The following INIP variants were observed in gnomAD, a reference collection of about 807,000 sequenced individuals.
INIP encodes INTS3 and NABP interacting protein, also known as SOSS complex subunit C.
INIP carries 9 observed loss-of-function variants against 14.0 expected under a neutral mutation model. That is an observed-to-expected ratio of 0.64 (90% confidence interval 0.39 to 1.12). INIP has a LOEUF of 1.12. Ranked by LOEUF, INIP falls within the 50% of genes most tolerant of loss-of-function variation. The probability of loss-of-function intolerance (pLI) is 0.01; values close to 1 mark genes in which losing one functional copy is unlikely to be tolerated. For missense variants in INIP, 78 were observed against 122.7 expected, an observed-to-expected ratio of 0.64 and a Z score of 1.72; for synonymous variants, 37 against 41.5, an observed-to-expected ratio of 0.89 and a Z score of 0.41.
intron 4 of INIP, among the ~76,000 whole-genome samples, 182 bp from the exon 5 acceptor site, chr9:112,687,815 G>A (rs2131276703): frequency 6.6e-6 from 1 of 152,260 alleles, no homozygotes; most frequent in East Asian, 1.9e-4. Flanking sequence ...GCTGGGCGCG[G>A]TGGCTCACAC....
intron 2 of INIP, among the ~76,000 whole-genome samples, chr9:112,709,425 G>A (rs970495285): frequency 1.4e-4 from 22 of 152,104 alleles, no homozygotes; most frequent in African/African-American, 5.3e-4. Flanking sequence ...ATCAACGTGG[G>A]TTCTCACCTC....
At position 112,718,091 on chromosome 9, in the gene INIP, C is replaced by G. The variant is rs1838892955; in HGVS notation, c.-161G>C. ...GCTCAACTCGCGGCACTACAACCTT[C>G]CCGCCCCCGCTGCGCTTCCGCCTCC... On this transcript the variant is annotated 5_prime_UTR_variant, in exon 1 of 5. Transcript: ENST00000374242. The G allele has an allele frequency of 6.5e-6, 1 of 152,722 alleles. No individual in the cohort carries two copies. The highest frequency in any genetic ancestry group is 2.4e-5 in the African/African-American group (1 of 41,464). 9.5% of individuals were successfully genotyped at this position (152,722 alleles called of 1,614,324 possible).
chr9:112,706,319 G>A (rs1838466895), intron 2 of INIP, among the ~76,000 whole-genome samples: 1 of 152,188 alleles, frequency 6.6e-6, no homozygotes, highest in African/African-American at 2.4e-5. Flanking sequence ...TAAAAATAGA[G>A]CTCACTGAAG....
chr9:112,711,210 TA>T (rs1265320947), intron 2 of INIP, among the ~76,000 whole-genome samples: 5 of 151,770 alleles, frequency 3.3e-5, no homozygotes, highest in Admixed American at 6.6e-5. Flanking sequence ...AAAAATACAA[TA>T]GATCTGAATA....
chr9:112,697,671 A>G (rs1838141534), intron 2 of INIP, among the ~76,000 whole-genome samples: 1 of 152,232 alleles, frequency 6.6e-6, no homozygotes, highest in African/African-American at 2.4e-5. Flanking sequence ...TAGGAGCTCT[A>G]TGTTAGGAAC....
intron 4 of INIP, 62 bp downstream of exon 4, chr9:112,689,465 G>T: frequency 8.0e-7 from 1 of 1,247,492 alleles, no homozygotes; most frequent in Non-Finnish European, 1.2e-6. Flanking sequence ...AAATAACTAT[G>T]TGCCGGCTTC....
At chr9:112,692,513 G>T (rs1313664135) in intron 3 of INIP, among the ~76,000 whole-genome samples, 7 of 151,926 alleles carry the variant, frequency 4.6e-5, no homozygotes, top group African/African-American at 1.7e-4. Flanking sequence ...CGAGCTACTG[G>T]GCTCAAGTGA....
chr9:112,694,635 C>A (rs917423629), intron 2 of INIP, among the ~76,000 whole-genome samples: 1 of 152,158 alleles, frequency 6.6e-6, no homozygotes, highest in South Asian at 2.1e-4. Context: ...TTTGGGAGGG[C>A]AGATGTTCTT....
intron 2 of INIP, chr9:112,701,816 G>A (rs1025477672): frequency 6.6e-6 from 1 of 151,990 alleles, no homozygotes; most frequent in African/African-American, 2.4e-5. Context: ...TTGGGAAGTT[G>A]AGGCAGGAGG....
intron 1 of INIP, among the ~76,000 whole-genome samples, chr9:112,716,763 G>A (rs141958278): frequency 0.043 from 6,496 of 151,798 alleles, 477 homozygotes; most frequent in African/African-American, 0.15. Context: ...TGGCTAACAT[G>A]GTGAAACCCA....
chr9:112,706,008 A>G lies in INIP; in HGVS notation c.25+10453T>C, dbSNP rs115263486. Among the ~76,000 whole-genome samples the G allele has an allele frequency of 1.6e-3, 238 of 152,328 alleles. 2 individuals are homozygous for G. Among genetic ancestry groups the G allele is most frequent in the African/African-American group, 5.4e-3 (224 of 41,584 alleles). On this transcript the variant is annotated intron_variant, in intron 2 of 4. Coordinates refer to ENST00000374242, the MANE Select transcript of INIP (RefSeq NM_021218.3). ...GGTAAGAGAGAATAGATTACAGGGT[A>G]GAAGAGACCTGCCGCAGGGAAAAGT... is the stretch of plus-strand genomic sequence containing the variant.
Position 112,694,281 on chromosome 9 carries a change from C to T in INIP, c.26-48G>A, listed in dbSNP as rs1461323513. The T allele has an allele frequency of 2.6e-6, 3 of 1,166,276 alleles. No homozygotes were observed. In the African/African-American group the frequency reaches 4.6e-5, roughly 18 times the overall value. 72.2% of individuals were successfully genotyped at this position (1,166,276 alleles called of 1,614,324 possible). ...AGAAAAGGGAGAAAGAGAGAGTAAT[C>T]AGAAACATTTTAGACCTATTTTTAT... On this transcript the variant is annotated intron_variant, in intron 2 of 4. Transcript: ENST00000374242.
intron 2 of INIP, among the ~76,000 whole-genome samples, chr9:112,699,465 A>C (rs920642497): frequency 4.0e-5 from 6 of 151,456 alleles, no homozygotes; most frequent in African/African-American, 1.5e-4. Flanking sequence ...TAAGATATTC[A>C]GAGAGAGAGA....
intron 2 of INIP, among the ~76,000 whole-genome samples, chr9:112,706,956 G>A (rs926734495): frequency 1.3e-5 from 2 of 151,944 alleles, no homozygotes; most frequent in Non-Finnish European, 2.9e-5. Context: ...ATGTCGCCCA[G>A]GCTGGAGTGC....
At chr9:112,694,266 G>A (rs1838001731) in intron 2 of INIP, 33 bp from the exon 3 acceptor site, 5 of 1,265,248 alleles carry the variant, frequency 4.0e-6, no homozygotes, top group Non-Finnish European at 5.7e-6. Flanking sequence ...AGAAAAGGGA[G>A]AAAGAGAGAG....
chr9:112,704,859 C>T (rs1838408147), intron 2 of INIP, among the ~76,000 whole-genome samples: 3 of 152,050 alleles, frequency 2.0e-5, no homozygotes, highest in Admixed American at 6.6e-5. Context: ...CCTATAATCC[C>T]AGCACCTTGG....
intron 2 of INIP, among the ~76,000 whole-genome samples, chr9:112,700,669 TA>T (rs956033326): frequency 7.9e-5 from 12 of 151,380 alleles, no homozygotes; most frequent in Non-Finnish European, 1.6e-4. Context: ...AACAATTTTA[TA>T]AGATTCATCA....
In INIP at chr9:112,687,362, T is replaced by C; in HGVS notation, c.*176A>G. 1 of 516,188 alleles carries C rather than the reference T, an allele frequency of 1.9e-6. No individual in the cohort carries two copies. Among genetic ancestry groups the C allele is most frequent in the Non-Finnish European group, 3.5e-6 (1 of 283,704 alleles). 32.0% of individuals were successfully genotyped at this position (516,188 alleles called of 1,614,324 possible). On this transcript the variant is annotated 3_prime_UTR_variant, in exon 5 of 5. Coordinates refer to ENST00000374242, the MANE Select transcript of INIP (RefSeq NM_021218.3). ...CCTTGGACGATACAGCTTCCACAGC[T>C]CTCATCATCCTGGTTATTCTTCTTT...
chr9:112,689,709 T>C (rs1187553923), intron 3 of INIP, 92 bp from the exon 4 acceptor site: 5 of 921,706 alleles, frequency 5.4e-6, no homozygotes, highest in African/African-American at 1.6e-5. Flanking sequence ...TTTTTTTAAA[T>C]TGAGGTATCC....
Sources: gnomAD v4.1 joint callset for allele counts (sites outside exome capture counted in the v4.1 genomes callset) on GRCh38, gnomAD v4.1.1 for gene constraint, MANE v1.5 for transcripts, NCBI Gene and HGNC (gene_info 2026-07-23, HGNC 2026-07-21) for gene names.